STEAP2: variants seen among roughly 807,000 people sequenced by gnomAD.
STEAP2 encodes STEAP2 metalloreductase.
A neutral mutation model predicts 46.4 loss-of-function variants in STEAP2; 30 were observed. That is an observed-to-expected ratio of 0.65 (90% CI 0.48 to 0.88). STEAP2 has a LOEUF of 0.88. Ranked by LOEUF, STEAP2 falls within the 40% of genes least tolerant of loss-of-function variation. The pLI is 0.00. For missense variants in STEAP2, 513 were observed against 579.3 expected (o/e 0.89, Z 1.18); for synonymous variants, 180 against 200.5 (o/e 0.90, Z 0.86).
In STEAP2 at chr7:90,234,851, CT is replaced by C. The variant is rs1795907345; in HGVS notation, c.*2228del. The C allele has an allele frequency of 6.1e-6, 6 of 985,026 alleles. No individual in the cohort carries two copies. The highest frequency in any genetic ancestry group is 7.2e-6 in the Non-Finnish European group (6 of 829,652). The allele number at this position is 985,026 out of a possible 1,614,324, so 61.0% of individuals were successfully genotyped here. ...ACAGGTGTGAGCTACCGCGCCCGGC[CT>C]ATTATCTTGTACTTTCTAACTGAGC... On this transcript the variant is annotated 3_prime_UTR_variant, in exon 6 of 6. Coordinates refer to ENST00000394621, the MANE Select transcript of STEAP2 (RefSeq NM_001244944.2).
intron 2 of STEAP2, among the ~76,000 whole-genome samples, chr7:90,216,977 A>G (rs1258891173): frequency 6.6e-6 from 1 of 152,176 alleles, no homozygotes; most frequent in Non-Finnish European, 1.5e-5. Flanking sequence ...CTGCTACTCC[A>G]TGTGCCAAAA....
chr7:90,213,679 A>G (rs556418028), intron 1 of STEAP2: 1 of 152,350 alleles, frequency 6.6e-6, no homozygotes, highest in Non-Finnish European at 1.5e-5. Context: ...CTGCCAGCCA[A>G]TGTGGAGGCA....
intron 4 of STEAP2, among the ~76,000 whole-genome samples, chr7:90,229,601 T>C (rs780222530): frequency 2.9e-4 from 44 of 152,172 alleles, no homozygotes; most frequent in Admixed American, 5.9e-4. Flanking sequence ...AGAGTCCCTG[T>C]AATGATGATG....
chr7:90,226,084 A>G (rs1190668589), intron 3 of STEAP2, among the ~76,000 whole-genome samples: 3 of 152,196 alleles, frequency 2.0e-5, no homozygotes, highest in East Asian at 1.9e-4. Flanking sequence ...AGGCTCTTCT[A>G]CAGGCTATTT....
chr7:90,215,777 T>G (rs951146313), intron 1 of STEAP2: 1 of 152,200 alleles, frequency 6.6e-6, no homozygotes, highest in Non-Finnish European at 1.5e-5. Context: ...CATAGTTGTT[T>G]TTTGTTTTTG....
At chr7:90,238,531 A>C (rs952287631), downstream of STEAP2, among the ~76,000 whole-genome samples, 1 of 152,214 alleles carries the variant, frequency 6.6e-6, no homozygotes, top group African/African-American at 2.4e-5. Context: ...AATAATTCAT[A>C]AGACCTTCAT....
At chr7:90,239,272 C>T (rs1584258738), downstream of STEAP2, among the ~76,000 whole-genome samples, 1 of 152,048 alleles carries the variant, frequency 6.6e-6, no homozygotes, top group Non-Finnish European at 1.5e-5. Context: ...GGGAAGACCA[C>T]GTGAAGTAAA....
chr7:90,228,485 C>G (rs571691315), intron 4 of STEAP2, among the ~76,000 whole-genome samples: 51 of 152,084 alleles, frequency 3.4e-4, no homozygotes, highest in Admixed American at 1.2e-3. Flanking sequence ...AGTCATTTGC[C>G]CAGATCTCAC....
intron 2 of STEAP2, among the ~76,000 whole-genome samples, chr7:90,224,412 A>C (rs1351274022): frequency 6.6e-6 from 1 of 152,204 alleles, no homozygotes; most frequent in Non-Finnish European, 1.5e-5. Flanking sequence ...CATATAAATC[A>C]AGTAGGTTTA....
chr7:90,231,488 T>C (rs749036698), intron 5 of STEAP2, among the ~76,000 whole-genome samples: 1 of 151,996 alleles, frequency 6.6e-6, no homozygotes, highest in Admixed American at 6.6e-5. Flanking sequence ...GTGAACATCA[T>C]AGAGCATATT....
Position 90,227,439 on chromosome 7 carries a change from C to G in STEAP2, c.961C>G (p.Leu321Val). 1 of 1,605,482 alleles carries G rather than the reference C, an allele frequency of 6.2e-7. No homozygotes were observed. The highest frequency in any genetic ancestry group is 8.5e-7 in the Non-Finnish European group (1 of 1,172,890). The change falls in exon 4 of 6, where the codon CTC (leucine) becomes GTC (valine). Residue 321 changes from leucine to valine, a missense_variant. Transcript: ENST00000394621. ...CGCTATGGTCCATGTTGCCTACAGCCTCTGCTTACCGATGAGAAGGTCAGA... is the reference window on the plus strand; with the variant it reads ...CGCTATGGTCCATGTTGCCTACAGCGTCTGCTTACCGATGAGAAGGTCAGA... ...FFAMVHVAYS[L>V]CLPMRRSERY...
chr7:90,241,313 C>G (rs545045919), downstream of STEAP2, among the ~76,000 whole-genome samples: 43 of 152,168 alleles, frequency 2.8e-4, no homozygotes, highest in African/African-American at 8.9e-4. Flanking sequence ...GTCTCCATTC[C>G]TAACAGAGTC....
chr7:90,218,494 A>G (rs1219012056), intron 2 of STEAP2, among the ~76,000 whole-genome samples: 3 of 151,960 alleles, frequency 2.0e-5, no homozygotes, highest in Non-Finnish European at 2.9e-5. Context: ...CAGATATCCA[A>G]TTGTCTAAGT....
downstream of STEAP2, chr7:90,237,812 ATTTAT>A (rs1796007834): frequency 3.6e-6 from 1 of 280,360 alleles, no homozygotes; most frequent in South Asian, 9.4e-5. Flanking sequence ...CTCCATTTAC[ATTTAT>A]TTTATTACAT....
chr7:90,241,836 G>T (rs1796066995), downstream of STEAP2, among the ~76,000 whole-genome samples: 1 of 152,164 alleles, frequency 6.6e-6, no homozygotes, highest in Non-Finnish European at 1.5e-5. Context: ...AGACAAGGTT[G>T]CACCCAACAC....
At chr7:90,225,990 A>G (rs1795473739) in intron 3 of STEAP2, among the ~76,000 whole-genome samples, 1 of 152,188 alleles carries the variant, frequency 6.6e-6, no homozygotes, top group Non-Finnish European at 1.5e-5. Context: ...AATAAGTTTC[A>G]GTATTATATC....
At chr7:90,231,664 C>T (rs915991159) in intron 5 of STEAP2, among the ~76,000 whole-genome samples, 1 of 151,944 alleles carries the variant, frequency 6.6e-6, no homozygotes, top group African/African-American at 2.4e-5. Context: ...TATGGGACCA[C>T]CGTTGTATAT....
chr7:90,220,422 T>C (rs943618828), intron 2 of STEAP2, among the ~76,000 whole-genome samples: 27 of 152,174 alleles, frequency 1.8e-4, no homozygotes, highest in African/African-American at 6.5e-4. Context: ...TGGTGTATAG[T>C]TGTTCATAAT....
downstream of STEAP2, chr7:90,238,158 CA>C (rs1796014474): frequency 2.8e-6 from 2 of 717,422 alleles, no homozygotes; most frequent in Admixed American, 4.0e-5. Flanking sequence ...CTACCACCAC[CA>C]CCACACTGCT....
Sources: gnomAD v4.1 joint callset for allele counts (sites outside exome capture counted in the v4.1 genomes callset) on GRCh38, gnomAD v4.1.1 for gene constraint, MANE v1.5 for transcripts, NCBI Gene and HGNC (gene_info 2026-07-23, HGNC 2026-07-21) for gene names.